The following CC2D1B variants were observed in gnomAD, a reference collection of about 807,000 sequenced individuals.
The protein encoded by CC2D1B is coiled-coil and C2 domain-containing protein 1B.
Under a neutral mutation model 110.8 loss-of-function variants are expected in CC2D1B, and 92 were observed. That is an observed-to-expected ratio of 0.83 (90% CI 0.70 to 0.99). The LOEUF is 0.99. Ranked by LOEUF, CC2D1B falls within the 50% of genes least tolerant of loss-of-function variation. The pLI, the probability that CC2D1B is intolerant of heterozygous loss-of-function variation, is 0.00. For missense variants in CC2D1B, 1,136 were observed against 1,089.0 expected (o/e 1.04, Z -0.61); for synonymous variants, 406 against 429.2 (o/e 0.95, Z 0.67).
Position 52,354,693 on chromosome 1 carries a change from A to G in CC2D1B, c.2345T>C (p.Phe782Ser). The change falls in exon 23 of 25, where the codon TTC (phenylalanine) becomes TCC (serine). Residue 782 changes from phenylalanine to serine, a missense_variant. Coordinates refer to ENST00000284376, the MANE Select transcript of CC2D1B (RefSeq NM_001330585.2). ...IKFEIFHKGS[F>S]FRSDKLVGTA... Reference sequence around the variant, plus strand: ...GCCAACCAGCTTGTCGCTTCTGAAGAAGGACCTGGGGAGTCAAGAGGCAGC... The same window carrying G: ...GCCAACCAGCTTGTCGCTTCTGAAGGAGGACCTGGGGAGTCAAGAGGCAGC... The G allele has an allele frequency of 6.2e-7, 1 of 1,614,196 alleles. No homozygotes were observed. Among genetic ancestry groups the G allele is most frequent in the Non-Finnish European group, 8.5e-7 (1 of 1,180,036 alleles).
In CC2D1B at chr1:52,364,615, C is replaced by T; in HGVS notation, c.6G>A (p.Met2Ile). M[M>I]PGPRPRKGPQ... The stretch of plus-strand genomic sequence containing the variant: ...GGCCCTTCCGAGGTCTTGGCCCTGG[C>T]ATCATGGCAGCCTAGATACCTATGG... The change falls in exon 2 of 25, where the codon ATG becomes ATA. Residue 2 changes from methionine to isoleucine, a missense_variant. Physicochemically the swap from Met to Ile is conservative, Grantham distance 10. Coordinates refer to ENST00000284376, the MANE Select transcript of CC2D1B (RefSeq NM_001330585.2). 6.2e-7 allele frequency: 1 copy of T among 1,607,150 alleles called. No individual in the cohort carries two copies.
chr1:52,356,934 C>T, intron 16 of CC2D1B, 67 bp downstream of exon 16: 1 of 1,503,620 alleles, frequency 6.7e-7, no homozygotes, highest in South Asian at 1.3e-5. Context: ...GTGGTCTGAG[C>T]TCCAGGTCTT....
chr1:52,354,523 A>C, intron 23 of CC2D1B, 85 bp downstream of exon 23: 1 of 1,130,852 alleles, frequency 8.8e-7, no homozygotes, highest in East Asian at 2.3e-5. Context: ...AATGAGCACG[A>C]AAACCTACAA....
At chr1:52,364,001 A>G (rs1646836741) in intron 2 of CC2D1B, among the ~76,000 whole-genome samples, 1 of 152,166 alleles carries the variant, frequency 6.6e-6, no homozygotes, top group Non-Finnish European at 1.5e-5. Flanking sequence ...TTTTATCCCA[A>G]TGTTCAGATG....
intron 23 of CC2D1B, among the ~76,000 whole-genome samples, chr1:52,354,195 G>GGC (rs1430224395): frequency 6.6e-6 from 1 of 152,214 alleles, no homozygotes; most frequent in Non-Finnish European, 1.5e-5. Flanking sequence ...TCCCCAGGCA[G>GGC]GCAGTAGGGC....
rs956814246 is a variant in CC2D1B at position 52,355,458 on chromosome 1, TGAG to T, written c.2188-12_2188-10del. ...CTTTTTTGAGCCTGGTCCTAAGCAG[TGAG>T]GAGGGAGAAGTCAGGACAGCGTATA... is the stretch of plus-strand genomic sequence containing the variant. On this transcript the variant is annotated splice_polypyrimidine_tract_variant and intron_variant, in intron 20 of 24. Transcript: ENST00000284376. 3.1e-6 allele frequency: 5 copies of T among 1,613,768 alleles called. No individual in the cohort carries two copies. Among genetic ancestry groups the T allele is most frequent in the Non-Finnish European group, 4.2e-6 (5 of 1,179,936 alleles).
In CC2D1B at chr1:52,360,053, G is replaced by C. The variant is rs570257642; in HGVS notation, c.763+21C>G. On this transcript the variant is annotated intron_variant, in intron 7 of 24. Coordinates refer to ENST00000284376, the MANE Select transcript of CC2D1B (RefSeq NM_001330585.2). ...GCTATGACCCCAGGAACTAGAACAG[G>C]ATTTGGGCATCTGCAGATACCTGAC... 5.8e-5 allele frequency: 90 copies of C among 1,562,232 alleles called. No homozygotes were observed. In the South Asian group the frequency reaches 1.0e-3, roughly 18 times the overall value.
At chr1:52,364,527 T>C (rs1410892798) in intron 2 of CC2D1B, 25 bp downstream of exon 2, 5 of 1,551,696 alleles carry the variant, frequency 3.2e-6, no homozygotes, top group Non-Finnish European at 4.4e-6. Flanking sequence ...ACCGACCCAG[T>C]AGCCTAGAAG....
rs764845820 is a variant in CC2D1B at position 52,356,414 on chromosome 1, A to G, written c.1907T>C (p.Met636Thr). ...EKCLLFSKQF[M>T]HQGNVAETTR... Reference sequence around the variant, plus strand: ...GGTCTCAGCCACGTTGCCCTGGTGCATGAACTGCTTGGAGAACAGCAGGCA... The same window carrying G: ...GGTCTCAGCCACGTTGCCCTGGTGCGTGAACTGCTTGGAGAACAGCAGGCA... Residue 636 changes from methionine (M) to threonine (T), a missense_variant, in exon 17 of 25, where the codon ATG (methionine) becomes ACG (threonine). Coordinates refer to ENST00000284376, the MANE Select transcript of CC2D1B (RefSeq NM_001330585.2). The G allele has an allele frequency of 1.2e-6, 2 of 1,614,230 alleles. No homozygotes were observed. The highest frequency in any genetic ancestry group is 1.7e-6 in the Non-Finnish European group (2 of 1,180,042).
chr1:52,353,711 C>T, intron 23 of CC2D1B, 64 bp from the exon 24 acceptor site: 1 of 1,248,534 alleles, frequency 8.0e-7, no homozygotes, highest in Non-Finnish European at 1.1e-6. Context: ...AGGCAGGTCC[C>T]TACATTCCCA....
Position 52,360,164 on chromosome 1 carries a change from C to T in CC2D1B, c.673G>A (p.Val225Met). ...KINEDEIPPPVALGKRPLAPQ... is the reference protein window; with the variant it reads ...KINEDEIPPPMALGKRPLAPQ... The stretch of plus-strand genomic sequence containing the variant: ...GCCAGGGGCCGCTTTCCTAAGGCCA[C>T]TGGAGGTGGGATCTCATCCTCATTG... The change falls in exon 7 of 25, where the codon GTG becomes ATG. Residue 225 changes from valine (V) to methionine (M), a missense_variant. Physicochemically the swap from Val to Met is conservative, Grantham distance 21. Coordinates refer to ENST00000284376, the MANE Select transcript of CC2D1B (RefSeq NM_001330585.2). 6.2e-7 allele frequency: 1 copy of T among 1,613,744 alleles called. No individual in the cohort carries two copies.
intron 3 of CC2D1B, among the ~76,000 whole-genome samples, chr1:52,362,095 C>G (rs1201489827): frequency 6.6e-6 from 1 of 152,170 alleles, no homozygotes; most frequent in Non-Finnish European, 1.5e-5. Flanking sequence ...GCAGTGAGCC[C>G]CTTCCTAGGT....
At chr1:52,353,357 C>G in intron 24 of CC2D1B, 134 bp from the exon 25 acceptor site, 1 of 1,503,718 alleles carries the variant, frequency 6.7e-7, no homozygotes, top group East Asian at 2.3e-5. Flanking sequence ...CTTCCCAGTT[C>G]TACTGAGGAA....
At chr1:52,358,997 C>G in intron 11 of CC2D1B, 30 bp downstream of exon 11, 1 of 1,599,128 alleles carries the variant, frequency 6.3e-7, no homozygotes, top group South Asian at 1.1e-5. Context: ...GAGGCCAGCA[C>G]AGGCAGGGGC....
At chr1:52,353,367 A>ACAT in intron 24 of CC2D1B, 144 bp from the exon 25 acceptor site, 3 of 1,509,234 alleles carry the variant, frequency 2.0e-6, no homozygotes, top group East Asian at 2.3e-5. Context: ...CTACTGAGGA[A>ACAT]CATCAGAAAC....
chr1:52,365,770 G>C (rs1000635840), intron 1 of CC2D1B, among the ~76,000 whole-genome samples: 2 of 150,920 alleles, frequency 1.3e-5, no homozygotes, highest in African/African-American at 4.9e-5. Context: ...ACCAGCTGAC[G>C]GGCGTGGAGG....
chr1:52,363,311 C>T (rs1202874966), intron 2 of CC2D1B, among the ~76,000 whole-genome samples: 5 of 150,144 alleles, frequency 3.3e-5, no homozygotes, highest in African/African-American at 4.9e-5. Flanking sequence ...AGGAGAATGG[C>T]GTGAACCCGG....
In CC2D1B at chr1:52,354,804, C is replaced by T. The variant is rs201162397; in HGVS notation, c.2339+36G>A. The T allele has an allele frequency of 8.0e-5, 128 of 1,605,258 alleles. No homozygotes were observed. In the East Asian group the frequency reaches 9.1e-4, roughly 11 times the overall value. ...AGTGACAAACGCTCTTCCCTCCTCC[C>T]GGCCCGTGTGGCAGCATGACCGATA... On this transcript the variant is annotated intron_variant, in intron 22 of 24. Transcript: ENST00000284376.
Position 52,355,761 on chromosome 1 carries a change from C to G in CC2D1B, c.2128+10G>C. The G allele has an allele frequency of 1.2e-6, 2 of 1,613,830 alleles. No individual in the cohort carries two copies. Among genetic ancestry groups the G allele is most frequent in the Non-Finnish European group, 1.7e-6 (2 of 1,179,846 alleles). ...AGAGCCTCCTGGAGTAGGGGCGGCC[C>G]TAGGGTTACCTGGAGGGGCTGGGAG... On this transcript the variant is annotated intron_variant, in intron 19 of 24. Transcript: ENST00000284376.
Sources: gnomAD v4.1 joint callset for allele counts (sites outside exome capture counted in the v4.1 genomes callset) on GRCh38, gnomAD v4.1.1 for gene constraint, MANE v1.5 for transcripts, NCBI Gene and HGNC (gene_info 2026-07-23, HGNC 2026-07-21) for gene names.